The following TET3 variants were observed in gnomAD, a reference collection of about 807,000 sequenced individuals.
The protein encoded by TET3 is tet methylcytosine dioxygenase 3.
A neutral mutation model predicts 141.4 loss-of-function variants in TET3; 19 were observed. The ratio of observed to expected loss-of-function variants is 0.13; its 90% CI spans 0.09 to 0.20. The LOEUF (loss-of-function observed/expected upper bound fraction) is 0.20. Among genes scored for constraint, TET3 ranks in the 10% least tolerant of loss-of-function variants. TET3 has a pLI of 1.00. For synonymous variants in TET3, 1,043 were observed against 980.9 expected, an observed-to-expected ratio of 1.06 and a Z score of -1.18; for missense variants, 1,874 against 2,356.9, an observed-to-expected ratio of 0.80 and a Z score of 4.24.
the TET3 span, among the ~76,000 whole-genome samples, chr2:74,133,926 G>A: frequency 6.6e-6 from 1 of 152,150 alleles, no homozygotes; most frequent in African/African-American, 2.4e-5. Context: ...TGTATTTTCA[G>A]TAGAGACGGG....
chr2:74,038,506 A>AG (rs1228015089), intron 3 of TET3, among the ~76,000 whole-genome samples: 6 of 152,200 alleles, frequency 3.9e-5, no homozygotes, highest in Non-Finnish European at 8.8e-5. Flanking sequence ...GGAAGTTGGC[A>AG]GTAAGATGTG....
chr2:74,131,144 G>T, the TET3 span, among the ~76,000 whole-genome samples: 3 of 152,178 alleles, frequency 2.0e-5, no homozygotes, highest in African/African-American at 7.2e-5. Flanking sequence ...CCCAGGAAGG[G>T]ATATTTGTAA....
At chr2:74,133,488 G>A in the TET3 span, among the ~76,000 whole-genome samples, 43 of 152,204 alleles carry the variant, frequency 2.8e-4, no homozygotes, top group African/African-American at 9.9e-4. Context: ...CCACTTCCAA[G>A]GTGGCTCACC....
intron 3 of TET3, among the ~76,000 whole-genome samples, chr2:74,031,764 A>T (rs1397160712): frequency 6.6e-6 from 1 of 152,216 alleles, no homozygotes; most frequent in East Asian, 1.9e-4. Flanking sequence ...CTTTGAATGA[A>T]AAACTTAGGT....
At chr2:74,088,459 G>A (rs1343786881) in intron 7 of TET3, among the ~76,000 whole-genome samples, 1 of 151,584 alleles carries the variant, frequency 6.6e-6, no homozygotes, top group South Asian at 2.1e-4. Flanking sequence ...TGGCCAATAC[G>A]GTGAAACCCC....
intron 2 of TET3, among the ~76,000 whole-genome samples, chr2:74,001,226 G>A (rs77489212): frequency 3.9e-5 from 6 of 152,264 alleles, no homozygotes; most frequent in East Asian, 1.9e-4. Context: ...TCCAAAGGCC[G>A]CTCATCCTGT....
In TET3 at chr2:74,104,574, A is replaced by G. The variant is rs905209099; in HGVS notation, c.*2398A>G. Reference sequence around the variant, plus strand: ...CAAGAAATACAATATTTTACGAAACATTTGGAGAATGTGACCGTCTGTATG... The same window carrying G: ...CAAGAAATACAATATTTTACGAAACGTTTGGAGAATGTGACCGTCTGTATG... On this transcript the variant is annotated 3_prime_UTR_variant, in exon 12 of 12. Coordinates refer to ENST00000409262, the MANE Select transcript of TET3 (RefSeq NM_001287491.2). The G allele has an allele frequency of 1.3e-5, 2 of 152,200 alleles. No individual in the cohort carries two copies. The highest frequency in any genetic ancestry group is 2.9e-5 in the Non-Finnish European group (2 of 68,038). 9.4% of individuals were successfully genotyped at this position (152,200 alleles called of 1,614,324 possible). A position where few individuals can be genotyped will look rare whatever the true frequency, so the allele number is the denominator to read the frequency against.
At chr2:73,984,218 T>A (rs748626496), upstream of TET3, among the ~76,000 whole-genome samples, 19 of 152,228 alleles carry the variant, frequency 1.2e-4, no homozygotes, top group Admixed American at 4.6e-4. The surrounding 1 kb of genome is among the most constrained non-coding windows in gnomAD (Gnocchi z 5.6). Context: ...GGCGGGGGTA[T>A]CGGATTAGTC....
At position 74,101,516 on chromosome 2, in the gene TET3, C is replaced by T. The variant is rs375191240; in HGVS notation, c.4728C>T (p.Asp1576=). The T allele has an allele frequency of 8.1e-6, 13 of 1,612,062 alleles. No homozygotes were observed. The African/African-American group carries it at 1.5e-4, about 18-fold the overall frequency. ...RIPAAGASQL[D]RAWQSFGLPL... Reference sequence around the variant, plus strand: ...CAGCCGCAGGGGCCAGCCAGCTGGACAGGGCCTGGCAGTCCTTTGGTCTGC... The same window carrying T: ...CAGCCGCAGGGGCCAGCCAGCTGGATAGGGCCTGGCAGTCCTTTGGTCTGC... Residue 1576 remains aspartate, a synonymous_variant, in exon 12 of 12, where the codon GAC becomes GAT. Transcript: ENST00000409262. This position sits in a 1 kb window ranked among gnomAD's most constrained non-coding sequence, Gnocchi z 8.5.
chr2:74,116,742 T>C, the TET3 span, among the ~76,000 whole-genome samples: 2 of 151,190 alleles, frequency 1.3e-5, no homozygotes. Context: ...CAATTATTAT[T>C]TGTCAATTTA....
In TET3 at chr2:74,042,869, G is replaced by A. The variant is rs146465263; in HGVS notation, c.361-3409G>A. 7.2e-5 allele frequency among the ~76,000 whole-genome samples: 11 copies of A among 152,288 alleles called. No homozygotes were observed. In the East Asian group the frequency reaches 2.1e-3, roughly 29 times the overall value. On this transcript the variant is annotated intron_variant, in intron 3 of 11. Coordinates refer to ENST00000409262, the MANE Select transcript of TET3 (RefSeq NM_001287491.2). Reference sequence around the variant, plus strand: ...GAAATGGGAATTTAGAGTTTCTTAAGATCTTCCTATCCATACTGGCTTCAC... The same window carrying A: ...GAAATGGGAATTTAGAGTTTCTTAAAATCTTCCTATCCATACTGGCTTCAC...
the TET3 span, among the ~76,000 whole-genome samples, chr2:74,118,122 C>A: frequency 1.3e-5 from 2 of 152,220 alleles, no homozygotes; most frequent in Non-Finnish European, 2.9e-5. Flanking sequence ...ATCATCTCCA[C>A]GAGAGCAGAT....
At chr2:74,004,476 G>C (rs1685049258) in intron 3 of TET3, among the ~76,000 whole-genome samples, 1 of 152,194 alleles carries the variant, frequency 6.6e-6, no homozygotes. Flanking sequence ...GGGTGTATCA[G>C]GAGGCCTAGA....
At chr2:74,081,342 G>A (rs527408612) in intron 6 of TET3, among the ~76,000 whole-genome samples, 33 of 152,366 alleles carry the variant, frequency 2.2e-4, no homozygotes, top group East Asian at 1.2e-3. Flanking sequence ...GCTCAGCCTC[G>A]CGCTGTGCTG....
the TET3 span, among the ~76,000 whole-genome samples, chr2:74,128,754 C>A: frequency 1.3e-5 from 2 of 150,398 alleles, no homozygotes; most frequent in African/African-American, 4.9e-5. Flanking sequence ...GAGGCCAAGG[C>A]AGGAAGATCA....
chr2:74,042,196 C>T (rs1004155762), intron 3 of TET3, among the ~76,000 whole-genome samples: 4 of 152,230 alleles, frequency 2.6e-5, no homozygotes, highest in African/African-American at 9.6e-5. Context: ...TCAAAAGGGT[C>T]ATGGCAGACC....
At chr2:74,090,659 C>G (rs1233251716) in intron 8 of TET3, among the ~76,000 whole-genome samples, 1 of 152,196 alleles carries the variant, frequency 6.6e-6, no homozygotes, top group East Asian at 1.9e-4. Flanking sequence ...AGGGCCTCCC[C>G]CAGCCCCAAG....
At chr2:74,120,471 G>A in the TET3 span, among the ~76,000 whole-genome samples, 1 of 152,248 alleles carries the variant, frequency 6.6e-6, no homozygotes, top group Admixed American at 6.5e-5. Flanking sequence ...TGCCTGGGCC[G>A]CTGGAGTCGC....
chr2:74,053,680 G>C (rs1437711764), intron 4 of TET3, among the ~76,000 whole-genome samples: 1 of 152,208 alleles, frequency 6.6e-6, no homozygotes, highest in East Asian at 1.9e-4. Flanking sequence ...GTCTGGGTGA[G>C]GGAGTGGCAT....
Sources: gnomAD v4.1 joint callset for allele counts (sites outside exome capture counted in the v4.1 genomes callset) on GRCh38, gnomAD v4.1.1 for gene constraint, Gnocchi (gnomAD v3.1) non-coding constraint, MANE v1.5 for transcripts, NCBI Gene and HGNC (gene_info 2026-07-23, HGNC 2026-07-21) for gene names.